Variants in PKD1L1 observed in about 807,000 individuals in gnomAD.
PKD1L1 encodes polycystin-1-like protein 1.
Under a neutral mutation model 323.4 loss-of-function variants are expected in PKD1L1, and 236 were observed. That is an observed-to-expected ratio of 0.73 (90% CI 0.66 to 0.81). The LOEUF (loss-of-function observed/expected upper bound fraction) is 0.81. PKD1L1 is among the 40% of genes least tolerant of loss of function. PKD1L1 has a pLI of 0.00. For missense variants in PKD1L1, 3,320 were observed against 3,508.0 expected, an observed-to-expected ratio of 0.95 and a Z score of 1.35; for synonymous variants, 1,344 against 1,335.0, an observed-to-expected ratio of 1.01 and a Z score of -0.15.
chr7:47,938,402 G>A (rs1372244402), intron 3 of PKD1L1, among the ~76,000 whole-genome samples: 2 of 152,046 alleles, frequency 1.3e-5, no homozygotes, highest in East Asian at 1.9e-4. Context: ...GCAGGACCTG[G>A]GTAGATCCTG....
chr7:47,900,677 G>A (rs145964229), intron 13 of PKD1L1, among the ~76,000 whole-genome samples: 264 of 152,198 alleles, frequency 1.7e-3, no homozygotes, highest in African/African-American at 6.0e-3. Flanking sequence ...GCAGTGAGCC[G>A]AGATCATGCC....
intron 56 of PKD1L1, among the ~76,000 whole-genome samples, chr7:47,780,931 A>C (rs1014750004): frequency 4.6e-5 from 7 of 152,162 alleles, no homozygotes; most frequent in African/African-American, 1.7e-4. Flanking sequence ...GATCCAGATA[A>C]TTTCTGGGCG....
Position 47,905,269 on chromosome 7 carries a change from TA to T in PKD1L1, c.1578del (p.Phe526LeufsTer23). The T allele has an allele frequency of 6.2e-7, 1 of 1,614,216 alleles. No homozygotes were observed. Among genetic ancestry groups the T allele is most frequent in the South Asian group, 1.1e-5 (1 of 91,078 alleles). The stretch of plus-strand genomic sequence containing the variant: ...GGTATTGTTTCCTTGGTAACAGCTG[TA>T]AATGTAATGTCTGTGTCTGTGGCAA... ...TVFATDTDIT[F>X]TAVTKETIPL... is the part of the protein sequence containing the mutation. On this transcript the variant is annotated frameshift_variant, in exon 11 of 57. Transcript: ENST00000289672. LOFTEE classifies it high-confidence loss of function.
chr7:47,950,306 T>G (rs1473171735), upstream of PKD1L1, among the ~76,000 whole-genome samples: 1 of 152,150 alleles, frequency 6.6e-6, no homozygotes, highest in Non-Finnish European at 1.5e-5. Context: ...CTGGACATCC[T>G]GAGAACAGGG....
the PKD1L1 span, among the ~76,000 whole-genome samples, chr7:47,958,231 T>G: frequency 6.6e-6 from 1 of 152,186 alleles, no homozygotes; most frequent in Non-Finnish European, 1.5e-5. Flanking sequence ...AGCATGGTAC[T>G]GGTATAAAAA....
At chr7:47,960,835 C>T in the PKD1L1 span, among the ~76,000 whole-genome samples, 3 of 150,252 alleles carry the variant, frequency 2.0e-5, no homozygotes, top group African/African-American at 4.9e-5. Context: ...AATATCACCT[C>T]AGTCACCTCA....
At chr7:47,817,555 T>C (rs1452496763) in intron 46 of PKD1L1, among the ~76,000 whole-genome samples, 1 of 152,202 alleles carries the variant, frequency 6.6e-6, no homozygotes, top group Admixed American at 6.5e-5. Context: ...ATAATCTGTA[T>C]ATACTATAAA....
chr7:47,894,250 G>A (rs1786888987), intron 14 of PKD1L1, among the ~76,000 whole-genome samples, 191 bp from the exon 15 acceptor site: 1 of 152,172 alleles, frequency 6.6e-6, no homozygotes, highest in African/African-American at 2.4e-5. Context: ...TGGAGTCCAC[G>A]AGACCATGGA....
At chr7:47,895,971 T>A (rs1786926625) in intron 14 of PKD1L1, among the ~76,000 whole-genome samples, 1 of 152,208 alleles carries the variant, frequency 6.6e-6, no homozygotes, top group Non-Finnish European at 1.5e-5. Flanking sequence ...TATTTTTTAA[T>A]TGTAGGACTG....
At chr7:47,884,572 G>A (rs1317482730) in intron 19 of PKD1L1, 26 bp downstream of exon 19, 1 of 1,607,090 alleles carries the variant, frequency 6.2e-7, no homozygotes, top group Non-Finnish European at 8.5e-7. Context: ...AGTGGAGAGA[G>A]GCAGCAGGCA....
chr7:47,958,286 T>A, the PKD1L1 span, among the ~76,000 whole-genome samples: 1 of 152,132 alleles, frequency 6.6e-6, no homozygotes, highest in Non-Finnish European at 1.5e-5. Flanking sequence ...AATCCACACA[T>A]TTACAGCCAA....
At chr7:47,902,544 T>A (rs775097667) in intron 12 of PKD1L1, 33 bp from the exon 13 acceptor site, 3 of 1,605,950 alleles carry the variant, frequency 1.9e-6, no homozygotes, top group Non-Finnish European at 2.6e-6. Flanking sequence ...AATGAACAAA[T>A]TTATGTTGAT....
Position 47,884,691 on chromosome 7 carries a change from T to TA in PKD1L1, c.3206-35dup, listed in dbSNP as rs762684814. On this transcript the variant is annotated intron_variant, in intron 18 of 56. Coordinates refer to ENST00000289672, the MANE Select transcript of PKD1L1 (RefSeq NM_138295.5). ...AAGGACAAAATCATAATGTTTCCTT[T>TA]AAAATCACAGAATCCCCTGAAATTA... is the stretch of plus-strand genomic sequence containing the variant. 1.5e-5 allele frequency: 24 copies of TA among 1,568,912 alleles called. No individual in the cohort carries two copies. In the East Asian group the frequency reaches 4.7e-4, roughly 31 times the overall value.
At chr7:47,916,573 C>T (rs992008024) in intron 7 of PKD1L1, among the ~76,000 whole-genome samples, 2 of 152,140 alleles carry the variant, frequency 1.3e-5, no homozygotes, top group Admixed American at 6.5e-5. Flanking sequence ...GTGGATTGCT[C>T]CTGCAGGACC....
intron 3 of PKD1L1, among the ~76,000 whole-genome samples, chr7:47,937,556 G>A (rs886242625): frequency 6.6e-6 from 1 of 152,148 alleles, no homozygotes; most frequent in Non-Finnish European, 1.5e-5. Context: ...ACGCTCCAAT[G>A]CACAGAAGCA....
In PKD1L1 at chr7:47,840,583, A is replaced by T; in HGVS notation, c.5446-16T>A. 6.3e-7 allele frequency: 1 copy of T among 1,589,396 alleles called. No homozygotes were observed. Among genetic ancestry groups the T allele is most frequent in the Middle Eastern group, 1.7e-4 (1 of 6,018 alleles). On this transcript the variant is annotated splice_polypyrimidine_tract_variant and intron_variant, in intron 34 of 56. Transcript: ENST00000289672. The surrounding 1 kb of genome is among the most constrained non-coding windows in gnomAD (Gnocchi z 4.1). ...CAATGTACACCTCAAAACAAAGAACAGGGGTGGGAACTCAGGCTATTTCAC... is the reference window on the plus strand; with the variant it reads ...CAATGTACACCTCAAAACAAAGAACTGGGGTGGGAACTCAGGCTATTTCAC...
chr7:47,947,274 G>A (rs1788116241), intron 1 of PKD1L1, among the ~76,000 whole-genome samples: 1 of 152,202 alleles, frequency 6.6e-6, no homozygotes, highest in Non-Finnish European at 1.5e-5. Flanking sequence ...GCTAACAAAG[G>A]CAGAAATGCT....
At chr7:47,873,860 A>T (rs1786340665) in intron 24 of PKD1L1, 39 bp downstream of exon 24, 1 of 1,502,484 alleles carries the variant, frequency 6.7e-7, no homozygotes, top group African/African-American at 1.4e-5. Flanking sequence ...AGAAATACAA[A>T]TAATGGCTAG....
chr7:47,915,541 C>T lies in PKD1L1; in HGVS notation c.1119G>A (p.Glu373=). 6.4e-7 allele frequency: 1 copy of T among 1,560,558 alleles called. No individual in the cohort carries two copies. The highest frequency in any genetic ancestry group is 8.8e-7 in the Non-Finnish European group (1 of 1,131,910). ...AAACATTTAAAGTTGTATTTTGTGT[C>T]TCTGCTTCTTTGTAGGTGGACATAT... The part of the protein sequence containing the change: ...QLDMSTYKEA[E]TQNTTLNVYL... The change falls in exon 8 of 57, where the codon GAG becomes GAA. Residue 373 remains glutamate (E), a synonymous_variant. Coordinates refer to ENST00000289672, the MANE Select transcript of PKD1L1 (RefSeq NM_138295.5).
Sources: gnomAD v4.1 joint callset for allele counts (sites outside exome capture counted in the v4.1 genomes callset) on GRCh38, gnomAD v4.1.1 for gene constraint, Gnocchi (gnomAD v3.1) non-coding constraint, MANE v1.5 for transcripts, NCBI Gene and HGNC (gene_info 2026-07-23, HGNC 2026-07-21) for gene names.